ITGA1: variants seen among roughly 807,000 people sequenced by gnomAD.
ITGA1 encodes the protein integrin alpha-1.
In ITGA1, 85 loss-of-function variants were observed where a neutral mutation model predicts 145.9. That is an observed-to-expected ratio of 0.58 (90% CI 0.49 to 0.70). The LOEUF (loss-of-function observed/expected upper bound fraction) is 0.70, where lower values mean the gene tolerates loss of function less well. Ranked by LOEUF, ITGA1 falls within the 30% of genes least tolerant of loss-of-function variation. The pLI, the probability that ITGA1 is intolerant of heterozygous loss-of-function variation, is 0.00. For synonymous variants in ITGA1, 520 were observed against 495.3 expected, an observed-to-expected ratio of 1.05 and a Z score of -0.66; for missense variants, 1,351 against 1,418.7, an observed-to-expected ratio of 0.95 and a Z score of 0.77.
At chr5:52,843,676 C>G (rs745574730) in intron 1 of ITGA1, among the ~76,000 whole-genome samples, 1 of 152,152 alleles carries the variant, frequency 6.6e-6, no homozygotes, top group African/African-American at 2.4e-5. Flanking sequence ...CATCATGAGA[C>G]TTTTGAGGAT....
chr5:52,826,806 AAG>A lies in ITGA1; in HGVS notation c.62-22555_62-22554del, dbSNP rs1748974003. Among the ~76,000 whole-genome samples the A allele has an allele frequency of 2.6e-5, 4 of 152,350 alleles. No individual in the cohort carries two copies. The South Asian group carries it at 8.3e-4, about 32-fold the overall frequency. Reference sequence around the variant, plus strand: ...ATTGTTGAGATTTACTGCTGAGAAAAAGAGATTCCTTTCAAAATATTACTGCT... The same window carrying A: ...ATTGTTGAGATTTACTGCTGAGAAAAAGATTCCTTTCAAAATATTACTGCT... On this transcript the variant is annotated intron_variant, in intron 1 of 28. Transcript: ENST00000282588.
rs375132556 is a variant in ITGA1 at position 52,937,562 on chromosome 5, A to C, written c.3078+48A>C. On this transcript the variant is annotated intron_variant, in intron 24 of 28. Coordinates refer to ENST00000282588, the MANE Select transcript of ITGA1 (RefSeq NM_181501.2). ...TTATGTCATTACTGTTATCTTTTCC[A>C]CTTTATGTTTAAGCCTTTTGTTCTG... 1.6e-3 allele frequency: 1,858 copies of C among 1,162,360 alleles called. 23 individuals carry two copies. Among genetic ancestry groups the C allele is most frequent in the Middle Eastern group, 0.012 (63 of 5,134 alleles). 72.0% of individuals were successfully genotyped at this position (1,162,360 alleles called of 1,614,324 possible). A position where few individuals can be genotyped will look rare whatever the true frequency, so the allele number is the denominator to read the frequency against.
intron 1 of ITGA1, chr5:52,800,618 A>G: frequency 6.2e-7 from 1 of 1,613,640 alleles, no homozygotes; most frequent in South Asian, 1.1e-5. Flanking sequence ...ATCGACTTCG[A>G]CTCTCAAGCC....
At chr5:52,868,810 AAG>A (rs1401662043) in intron 6 of ITGA1, among the ~76,000 whole-genome samples, 1 of 152,164 alleles carries the variant, frequency 6.6e-6, no homozygotes, top group African/African-American at 2.4e-5. Flanking sequence ...CTGATTTTTA[AAG>A]AGAGAAGCTG....
chr5:52,813,175 G>A (rs995370792), intron 1 of ITGA1, among the ~76,000 whole-genome samples: 2 of 152,108 alleles, frequency 1.3e-5, no homozygotes, highest in African/African-American at 4.8e-5. Context: ...ATGCTGGGAG[G>A]TCCTGACTCT....
intron 26 of ITGA1, among the ~76,000 whole-genome samples, chr5:52,941,925 C>G (rs956987339): frequency 1.3e-5 from 2 of 152,080 alleles, no homozygotes; most frequent in African/African-American, 2.4e-5. Flanking sequence ...ATATTTAAAT[C>G]TTTAATTTGT....
intron 1 of ITGA1, among the ~76,000 whole-genome samples, chr5:52,817,100 T>G (rs1748788422): frequency 6.6e-6 from 1 of 152,234 alleles, no homozygotes; most frequent in Admixed American, 6.5e-5. Flanking sequence ...CACTAAGAAA[T>G]CATATTTGAG....
chr5:52,789,844 G>A (rs1748204607), intron 1 of ITGA1, among the ~76,000 whole-genome samples: 1 of 152,146 alleles, frequency 6.6e-6, no homozygotes, highest in Non-Finnish European at 1.5e-5. Context: ...ATGAAATGAG[G>A]TTTGCGTATC....
At chr5:52,877,346 G>A (rs1406995937) in intron 6 of ITGA1, among the ~76,000 whole-genome samples, 1 of 152,068 alleles carries the variant, frequency 6.6e-6, no homozygotes, top group African/African-American at 2.4e-5. Flanking sequence ...ATGATGTCTG[G>A]CCTGAGCTAA....
intron 7 of ITGA1, among the ~76,000 whole-genome samples, chr5:52,886,971 G>C (rs761567102): frequency 6.6e-6 from 1 of 152,062 alleles, no homozygotes. Context: ...TAGAGACGGG[G>C]TTTCACCTTC....
chr5:52,924,209 AG>A (rs1015737779), intron 18 of ITGA1, among the ~76,000 whole-genome samples: 3 of 117,202 alleles, frequency 2.6e-5, no homozygotes, highest in African/African-American at 8.2e-5. Flanking sequence ...TGGAGCTTAC[AG>A]TCTAACACTG....
chr5:52,948,971 C>G (rs1472025161), intron 28 of ITGA1: 2 of 152,090 alleles, frequency 1.3e-5, no homozygotes, highest in Non-Finnish European at 2.9e-5. Context: ...TCTGAAAAAG[C>G]ATAAATGTAA....
intron 6 of ITGA1, among the ~76,000 whole-genome samples, chr5:52,878,821 T>G (rs1244061005): frequency 6.6e-6 from 1 of 152,020 alleles, no homozygotes; most frequent in Non-Finnish European, 1.5e-5. Context: ...CAGAAGCATA[T>G]AGAGAGGAGG....
chr5:52,907,554 G>T (rs1750431250), intron 12 of ITGA1, among the ~76,000 whole-genome samples: 3 of 152,168 alleles, frequency 2.0e-5, no homozygotes, highest in Admixed American at 6.5e-5. Context: ...CTGAAAGAAA[G>T]GTGGCTCCAT....
intron 1 of ITGA1, among the ~76,000 whole-genome samples, chr5:52,845,032 A>G (rs760929868): frequency 6.6e-6 from 1 of 152,200 alleles, no homozygotes; most frequent in African/African-American, 2.4e-5. Context: ...CTGATTTACA[A>G]TCATTTTGGG....
intron 3 of ITGA1, 137 bp downstream of exon 3, chr5:52,861,696 C>A (rs1296994747): frequency 9.7e-6 from 6 of 617,286 alleles, no homozygotes; most frequent in African/African-American, 9.2e-5. Flanking sequence ...CCTGACGAAA[C>A]CTCATCTCTA....
intron 2 of ITGA1, among the ~76,000 whole-genome samples, chr5:52,861,149 C>T (rs1337216513): frequency 1.3e-5 from 2 of 151,724 alleles, no homozygotes; most frequent in Non-Finnish European, 2.9e-5. Flanking sequence ...AATATCTATC[C>T]TACATATACA....
intron 14 of ITGA1, among the ~76,000 whole-genome samples, chr5:52,914,847 G>A (rs1370230146): frequency 1.3e-5 from 2 of 152,162 alleles, no homozygotes; most frequent in South Asian, 2.1e-4. Flanking sequence ...AACATACTAT[G>A]TATGGTAATG....
intron 1 of ITGA1, among the ~76,000 whole-genome samples, chr5:52,811,242 AG>A (rs1322787450): frequency 3.9e-5 from 6 of 152,184 alleles, no homozygotes; most frequent in Admixed American, 6.5e-5. Flanking sequence ...TCATGACACC[AG>A]GCCCTGCCAC....
Sources: gnomAD v4.1 joint callset for allele counts (sites outside exome capture counted in the v4.1 genomes callset) on GRCh38, gnomAD v4.1.1 for gene constraint, MANE v1.5 for transcripts, NCBI Gene and HGNC (gene_info 2026-07-23, HGNC 2026-07-21) for gene names.